The following KMT2C variants were observed in gnomAD, a reference collection of about 807,000 sequenced individuals.
KMT2C encodes histone-lysine N-methyltransferase 2C.
A neutral mutation model predicts 507.9 loss-of-function variants in KMT2C; 88 were observed. The ratio of observed to expected loss-of-function variants is 0.17; its 90% CI spans 0.15 to 0.21. The LOEUF (loss-of-function observed/expected upper bound fraction) is 0.21. KMT2C is among the 10% of genes least tolerant of loss of function. The pLI is 1.00. For synonymous variants in KMT2C, 2,049 were observed against 2,080.8 expected (o/e 0.98, Z 0.42); for missense variants, 4,954 against 5,957.8 (o/e 0.83, Z 5.55).
At chr7:152,233,333 T>C (rs1420555779) in intron 16 of KMT2C, among the ~76,000 whole-genome samples, 2 of 152,158 alleles carry the variant, frequency 1.3e-5, no homozygotes, top group Non-Finnish European at 2.9e-5. Flanking sequence ...AATAGTGTGA[T>C]TTATCCAGAA....
At chr7:152,385,295 G>C (rs1235718500) in intron 1 of KMT2C, among the ~76,000 whole-genome samples, 2 of 150,704 alleles carry the variant, frequency 1.3e-5, no homozygotes, top group Non-Finnish European at 3.0e-5. Context: ...CAATAAGTAA[G>C]CCTTATTCAA....
intron 9 of KMT2C, among the ~76,000 whole-genome samples, chr7:152,259,734 C>T (rs919946143): frequency 6.6e-6 from 1 of 152,140 alleles, no homozygotes; most frequent in African/African-American, 2.4e-5. Flanking sequence ...AGATTACCCC[C>T]ACTCCAGCTC....
In KMT2C at chr7:152,165,152, A is replaced by G. The variant is rs184403137; in HGVS notation, c.9751-1326T>C. Among the ~76,000 whole-genome samples the G allele has an allele frequency of 3.3e-5, 5 of 152,356 alleles. No individual in the cohort carries two copies. The East Asian group carries it at 9.6e-4, about 29-fold the overall frequency. On this transcript the variant is annotated intron_variant, in intron 42 of 58. Coordinates refer to ENST00000262189, the MANE Select transcript of KMT2C (RefSeq NM_170606.3). Reference sequence around the variant, plus strand: ...AGAAATTACCATTGGTTGGTGAAGTAGTAAGAAAGTACAGAAAGCACCTAC... The same window carrying G: ...AGAAATTACCATTGGTTGGTGAAGTGGTAAGAAAGTACAGAAAGCACCTAC...
intron 12 of KMT2C, among the ~76,000 whole-genome samples, chr7:152,250,291 A>G (rs1018087046): frequency 2.0e-5 from 3 of 152,152 alleles, no homozygotes; most frequent in Non-Finnish European, 4.4e-5. Context: ...ATTTTTATGT[A>G]TACTATATAA....
intron 38 of KMT2C, among the ~76,000 whole-genome samples, chr7:152,174,712 C>T (rs1332765068): frequency 2.0e-5 from 3 of 151,962 alleles, no homozygotes; most frequent in Middle Eastern, 3.2e-3. Context: ...AAAAAGGGAG[C>T]AAAATGATGA....
At chr7:152,348,604 A>T (rs1338054788) in intron 2 of KMT2C, among the ~76,000 whole-genome samples, 2 of 114,364 alleles carry the variant, frequency 1.7e-5, no homozygotes, top group African/African-American at 1.4e-4. Context: ...TGTCTTAAAA[A>T]AAAAAAAAAA....
chr7:152,270,965 C>CA (rs2095955046), intron 7 of KMT2C, among the ~76,000 whole-genome samples: 1 of 152,166 alleles, frequency 6.6e-6, no homozygotes, highest in Non-Finnish European at 1.5e-5. Context: ...ACTCCTAACT[C>CA]AGTCAACTAT....
chr7:152,353,963 C>A (rs1212313451), intron 2 of KMT2C, among the ~76,000 whole-genome samples: 2 of 146,780 alleles, frequency 1.4e-5, no homozygotes, highest in Non-Finnish European at 2.9e-5. Context: ...ATTTATGGAA[C>A]AAACTCTGTC....
intron 55 of KMT2C, among the ~76,000 whole-genome samples, chr7:152,143,059 C>T (rs886670825): frequency 2.0e-5 from 3 of 152,154 alleles, no homozygotes; most frequent in Non-Finnish European, 4.4e-5. Context: ...ACTAAAATCA[C>T]AGTAAAAGCA....
chr7:152,146,789 ACAAGAG>A, intron 52 of KMT2C, 54 bp from the exon 53 acceptor site: 1 of 1,505,046 alleles, frequency 6.6e-7, no homozygotes, highest in Non-Finnish European at 9.1e-7. Context: ...AGTATAAAAA[ACAAGAG>A]CAAAATGAAG....
At position 152,320,050 on chromosome 7, in the gene KMT2C, T is replaced by C. The variant is rs182313640; in HGVS notation, c.390-4712A>G. On this transcript the variant is annotated intron_variant, in intron 3 of 58. Transcript: ENST00000262189. Reference sequence around the variant, plus strand: ...TCCCCCGGGCCCAGCTGTCTTTTCTTTTATCTCTGTCTTGTGTCTTTATTT... The same window carrying C: ...TCCCCCGGGCCCAGCTGTCTTTTCTCTTATCTCTGTCTTGTGTCTTTATTT... Among the ~76,000 whole-genome samples, 17 of 152,202 alleles carry C rather than the reference T, an allele frequency of 1.1e-4. No individual in the cohort carries two copies. In the East Asian group the frequency reaches 3.1e-3, roughly 28 times the overall value.
chr7:152,153,190 A>G (rs897230393), intron 48 of KMT2C, among the ~76,000 whole-genome samples: 1 of 152,234 alleles, frequency 6.6e-6, no homozygotes, highest in African/African-American at 2.4e-5. Context: ...TTAACATTAA[A>G]TATCTAGTAA....
At chr7:152,160,629 ATATATT>A (rs1392553188) in intron 43 of KMT2C, among the ~76,000 whole-genome samples, 29 of 145,536 alleles carry the variant, frequency 2.0e-4, no homozygotes, top group African/African-American at 6.0e-4. Context: ...ATATATATTT[ATATATT>A]TATATTTATA....
intron 1 of KMT2C, chr7:152,368,508 G>T (rs2097265693): frequency 7.5e-7 from 1 of 1,339,992 alleles, no homozygotes; most frequent in Non-Finnish European, 1.0e-6. Context: ...GTGAGCTAAT[G>T]AAAAAGAATT....
chr7:152,290,280 ATATATATATATATATTTTTTTTTTTTTT>A (rs1361576341), intron 6 of KMT2C, among the ~76,000 whole-genome samples: 497 of 31,918 alleles, frequency 0.016, 9 homozygotes, highest in African/African-American at 0.063. Flanking sequence ...ATATATATAT[ATATATATATATATATTTTTTTTTTTTTT>A]TTTTTTTTTT....
intron 4 of KMT2C, among the ~76,000 whole-genome samples, chr7:152,313,368 G>C (rs916002535): frequency 3.3e-5 from 5 of 151,964 alleles, no homozygotes; most frequent in Non-Finnish European, 5.9e-5. Flanking sequence ...TACTAATCAG[G>C]TCCTAACCAG....
Position 152,138,540 on chromosome 7 carries a change from T to C in KMT2C, c.14643+256A>G, listed in dbSNP as rs761004031. 11 of 361,052 alleles carry C rather than the reference T, an allele frequency of 3.0e-5. No homozygotes were observed. Among genetic ancestry groups the C allele is most frequent in the East Asian group, 1.7e-4 (3 of 17,842 alleles). 22.4% of individuals were successfully genotyped at this position (361,052 alleles called of 1,614,324 possible). A position where few individuals can be genotyped will look rare whatever the true frequency, so the allele number is the denominator to read the frequency against. ...CAGAAATGATACCACCTGGGTGCCATGGGGATGCTGAACCCGTGGCACAGA... is the reference window on the plus strand; with the variant it reads ...CAGAAATGATACCACCTGGGTGCCACGGGGATGCTGAACCCGTGGCACAGA... On this transcript the variant is annotated intron_variant, in intron 58 of 58. Transcript: ENST00000262189. The surrounding 1 kb of genome is among the most constrained non-coding windows in gnomAD (Gnocchi z 4.2).
intron 16 of KMT2C, among the ~76,000 whole-genome samples, chr7:152,234,080 A>G (rs1022022436): frequency 1.3e-5 from 2 of 152,072 alleles, no homozygotes; most frequent in East Asian, 1.9e-4. Flanking sequence ...GGCTGTAGTG[A>G]GCAGAGATCA....
At chr7:152,307,244 A>AGGAAGGAAGGAAGGAC (rs1563802995) in intron 6 of KMT2C, among the ~76,000 whole-genome samples, 1 of 120,230 alleles carries the variant, frequency 8.3e-6, no homozygotes. Context: ...GAAGGAAGGA[A>AGGAAGGAAGGAAGGAC]GGAAGGACGG....
Sources: allele counts gnomAD v4.1 joint callset (sites outside exome capture counted in the v4.1 genomes callset), GRCh38; gene constraint gnomAD v4.1.1; non-coding constraint Gnocchi (gnomAD v3.1); transcripts MANE v1.5; gene names NCBI Gene and HGNC (gene_info 2026-07-23, HGNC 2026-07-21).